Variants in MAP3K13 observed in about 807,000 individuals in gnomAD.
The protein encoded by MAP3K13 is mitogen-activated protein kinase kinase kinase 13.
Under a neutral mutation model 104.0 loss-of-function variants are expected in MAP3K13, and 52 were observed. The ratio of observed to expected loss-of-function variants is 0.50; its 90% confidence interval spans 0.40 to 0.63. MAP3K13 has a LOEUF of 0.63. MAP3K13 is among the 20% of genes least tolerant of loss of function. MAP3K13 has a pLI of 0.00. For synonymous variants in MAP3K13, 394 were observed against 442.2 expected (o/e 0.89, Z 1.37); for missense variants, 914 against 1,218.5 (o/e 0.75, Z 3.72).
At chr3:185,294,058 C>G (rs1720835731) in intron 2 of MAP3K13, among the ~76,000 whole-genome samples, 1 of 152,098 alleles carries the variant, frequency 6.6e-6, no homozygotes. Flanking sequence ...ACAAAACCCT[C>G]CTTTTAGCAT....
intron 2 of MAP3K13, among the ~76,000 whole-genome samples, chr3:185,299,276 G>GGCACC (rs1721018710): frequency 6.6e-6 from 1 of 152,186 alleles, no homozygotes; most frequent in African/African-American, 2.4e-5. Context: ...AGGAAGAGAA[G>GGCACC]GCACCGTAAA....
chr3:185,382,341 C>G (rs1053990469), intron 1 of MAP3K13, among the ~76,000 whole-genome samples: 6 of 152,162 alleles, frequency 3.9e-5, no homozygotes, highest in Non-Finnish European at 8.8e-5. Context: ...TCTTACTCAT[C>G]TATTTTCGGA....
At chr3:185,292,515 A>T in intron 2 of MAP3K13, 1 of 311,606 alleles carries the variant, frequency 3.2e-6, no homozygotes, top group Non-Finnish European at 4.7e-6. Flanking sequence ...TTCGTCATCT[A>T]TAAAGTGAAT....
intron 13 of MAP3K13, among the ~76,000 whole-genome samples, chr3:185,480,752 TG>T (rs1296156990): frequency 1.3e-5 from 2 of 152,166 alleles, no homozygotes; most frequent in Non-Finnish European, 2.9e-5. Context: ...GAAGCACGGC[TG>T]GGAGACCTCA....
chr3:185,322,615 ACTGTGTATC>A (rs1213806616), intron 2 of MAP3K13, among the ~76,000 whole-genome samples: 3 of 152,074 alleles, frequency 2.0e-5, no homozygotes, highest in African/African-American at 7.2e-5. Context: ...GTTCTCTCAT[ACTGTGTATC>A]CAGATGCCTT....
chr3:185,481,535 CCT>C (rs1219172536), intron 13 of MAP3K13, among the ~76,000 whole-genome samples: 1 of 152,038 alleles, frequency 6.6e-6, no homozygotes, highest in Non-Finnish European at 1.5e-5. Context: ...CACTCCATAC[CCT>C]GACTCTTCCC....
At chr3:185,471,079 A>G (rs1440640816) in intron 10 of MAP3K13, among the ~76,000 whole-genome samples, 1 of 152,200 alleles carries the variant, frequency 6.6e-6, no homozygotes, top group Non-Finnish European at 1.5e-5. Flanking sequence ...TCTCCCATAG[A>G]AACTCTTGAA....
chr3:185,381,763 A>G (rs1427400251), intron 1 of MAP3K13, among the ~76,000 whole-genome samples: 2 of 152,226 alleles, frequency 1.3e-5, no homozygotes, highest in Non-Finnish European at 2.9e-5. Flanking sequence ...CATGAGTTTG[A>G]TAATAATAAA....
intron 2 of MAP3K13, among the ~76,000 whole-genome samples, chr3:185,431,602 A>G (rs1488985336): frequency 6.6e-6 from 1 of 152,188 alleles, no homozygotes; most frequent in East Asian, 1.9e-4. Context: ...AAGGGAAAAT[A>G]TGGACCAAAA....
At chr3:185,357,315 G>A (rs1286662007) in intron 2 of MAP3K13, among the ~76,000 whole-genome samples, 4 of 151,722 alleles carry the variant, frequency 2.6e-5, no homozygotes, top group Non-Finnish European at 5.9e-5. Flanking sequence ...GCATGTGGTG[G>A]CGGGCGCCTG....
intron 2 of MAP3K13, among the ~76,000 whole-genome samples, chr3:185,308,948 G>A (rs1427518605): frequency 3.3e-5 from 5 of 151,958 alleles, no homozygotes; most frequent in African/African-American, 9.7e-5. Flanking sequence ...AAGTCTTTTT[G>A]GGCCATATGT....
intron 7 of MAP3K13, among the ~76,000 whole-genome samples, chr3:185,459,182 A>C (rs1214919283): frequency 6.6e-6 from 1 of 152,082 alleles, no homozygotes. Flanking sequence ...GCTGCCTTAA[A>C]AGTAATCTTG....
Position 185,286,172 on chromosome 3 carries a change from G to A in MAP3K13, c.-86+529G>A, listed in dbSNP as rs141862083. On this transcript the variant is annotated intron_variant, in intron 2 of 14. Coordinates refer to the MAP3K13 transcript ENST00000424227. ...TCTTCTTTTAAAAAAAATTTGTTAG[G>A]TGGTTGATTCTCCAGGCCTTTTATC... is the stretch of plus-strand genomic sequence containing the variant. Among the ~76,000 whole-genome samples the A allele has an allele frequency of 1.9e-4, 29 of 151,548 alleles. No individual in the cohort carries two copies. The East Asian group carries it at 5.4e-3, about 28-fold the overall frequency.
At chr3:185,321,021 A>ATG (rs63326160) in intron 2 of MAP3K13, among the ~76,000 whole-genome samples, 1 of 119,374 alleles carries the variant, frequency 8.4e-6, no homozygotes, top group African/African-American at 2.9e-5. Flanking sequence ...ATATATACAT[A>ATG]TGTGTGTATA....
At chr3:185,336,078 G>A (rs1013887041) in intron 2 of MAP3K13, among the ~76,000 whole-genome samples, 2 of 152,080 alleles carry the variant, frequency 1.3e-5, no homozygotes, top group African/African-American at 2.4e-5. Context: ...CCCATGAACT[G>A]AAGTTTTATG....
chr3:185,471,221 C>G (rs952344294), intron 10 of MAP3K13, among the ~76,000 whole-genome samples: 11 of 151,480 alleles, frequency 7.3e-5, no homozygotes, highest in Non-Finnish European at 1.5e-4. Flanking sequence ...CTATAATAAG[C>G]AGATATTGTC....
chr3:185,440,560 A>T lies in MAP3K13; in HGVS notation c.660-2885A>T, dbSNP rs903635155. ...CCGGAACTTGAAAAAAAATTATTAA[A>T]AATCAAGATAAGAATTCTCTGTAGC... On this transcript the variant is annotated intron_variant, in intron 3 of 13. Coordinates refer to ENST00000265026, the MANE Select transcript of MAP3K13 (RefSeq NM_004721.5). Among the ~76,000 whole-genome samples the T allele has an allele frequency of 5.9e-5, 9 of 152,340 alleles. 1 individual carries two copies. The highest frequency in any genetic ancestry group is 1.9e-4 in the African/African-American group (8 of 41,586).
At chr3:185,394,105 A>G (rs565087829) in intron 1 of MAP3K13, among the ~76,000 whole-genome samples, 11 of 152,296 alleles carry the variant, frequency 7.2e-5, no homozygotes, top group Admixed American at 1.3e-4. Flanking sequence ...GGGTCAGGGA[A>G]GAGGATGCCT....
intron 2 of MAP3K13, among the ~76,000 whole-genome samples, chr3:185,351,758 G>A (rs890409566): frequency 1.3e-5 from 2 of 152,128 alleles, no homozygotes; most frequent in Non-Finnish European, 2.9e-5. Context: ...TATATTAGTG[G>A]GGTAGAGTAA....
Sources: gnomAD v4.1 joint callset for allele counts (sites outside exome capture counted in the v4.1 genomes callset) on GRCh38, gnomAD v4.1.1 for gene constraint, MANE v1.5 for transcripts, NCBI Gene and HGNC (gene_info 2026-07-23, HGNC 2026-07-21) for gene names.